Variants in UBTD1 observed in about 807,000 individuals in gnomAD.
UBTD1 encodes the protein ubiquitin domain-containing protein 1.
Under a neutral mutation model 21.7 loss-of-function variants are expected in UBTD1, and 19 were observed. That is an observed-to-expected ratio of 0.87 (90% CI 0.61 to 1.28). The LOEUF (loss-of-function observed/expected upper bound fraction) is 1.28, where lower values mean the gene tolerates loss of function less well. Among genes scored for constraint, UBTD1 ranks in the 50% most tolerant of loss-of-function variants. The pLI is 0.00. For synonymous variants in UBTD1, 116 were observed against 135.1 expected, an observed-to-expected ratio of 0.86 and a Z score of 0.98; for missense variants, 282 against 315.1, an observed-to-expected ratio of 0.89 and a Z score of 0.80.
chr10:97,543,005 C>T (rs2040593399), intron 1 of UBTD1, among the ~76,000 whole-genome samples: 1 of 152,256 alleles, frequency 6.6e-6, no homozygotes, highest in South Asian at 2.1e-4. Flanking sequence ...AACTCCAGAG[C>T]AAGTAAGTCA....
rs1228199258 is a variant in UBTD1, at chr10:97,570,051, T to G, written c.299-87T>G. On this transcript the variant is annotated intron_variant, in intron 2 of 2. Transcript: ENST00000370664. This position sits in a 1 kb window ranked among gnomAD's most constrained non-coding sequence, Gnocchi z 6.6. ...TACAGTCACATTGGGGGTTAGAGTT[T>G]CACCATATGAATTTGGGGGGACCCA... 6.6e-7 allele frequency: 1 copy of G among 1,505,316 alleles called. No individual in the cohort carries two copies. The highest frequency in any genetic ancestry group is 1.8e-4 in the Middle Eastern group (1 of 5,638). 93.2% of individuals were successfully genotyped at this position (1,505,316 alleles called of 1,614,324 possible).
chr10:97,557,942 T>G (rs781193813), intron 1 of UBTD1, among the ~76,000 whole-genome samples: 2 of 152,234 alleles, frequency 1.3e-5, no homozygotes, highest in Non-Finnish European at 2.9e-5. Flanking sequence ...TGGAAACAGT[T>G]CTCAGTCTGA....
At position 97,507,877 on chromosome 10, in the gene UBTD1, C is replaced by G. The variant is rs75511404; in HGVS notation, c.70+8604C>G. ...AGGGAGACTGAAGGGACAGGGATGA[C>G]TCCTCGTTTGTATGTTTTTCCTCTG... On this transcript the variant is annotated intron_variant, in intron 1 of 2. Transcript: ENST00000370664. 2.8e-3 allele frequency among the ~76,000 whole-genome samples: 424 copies of G among 151,596 alleles called. 2 individuals are homozygous for G. Among genetic ancestry groups the G allele is most frequent in the African/African-American group, 9.0e-3 (372 of 41,328 alleles).
rs765260764 is a variant in UBTD1 at position 97,570,278 on chromosome 10, C to T, written c.439C>T (p.Arg147Cys). The T allele has an allele frequency of 3.0e-5, 48 of 1,613,072 alleles. No individual in the cohort carries two copies. Among genetic ancestry groups the T allele is most frequent in the Non-Finnish European group, 3.4e-5 (40 of 1,180,004 alleles). The change falls in exon 3 of 3, where the codon CGT becomes TGT. Residue 147 changes from arginine to cysteine, a missense_variant. Coordinates refer to ENST00000370664, the MANE Select transcript of UBTD1 (RefSeq NM_024954.5). This position sits in a 1 kb window ranked among gnomAD's most constrained non-coding sequence, Gnocchi z 6.6. ...CCCCGAGCCTCCACCCAGCGTGCGC[C>T]GTGAGTTCCCGCTGAAGGTGCGCCT... ...EPPEPPPSVR[R>C]EFPLKVRLST...
In UBTD1 at chr10:97,522,624, AC is replaced by A. The variant is rs1180423280; in HGVS notation, c.70+23352del. ...TTGATCTTGTCATTTTGCTGCTCAGACACATTCTGCCTCCTTTCTGACCTCC... is the reference window on the plus strand; with the variant it reads ...TTGATCTTGTCATTTTGCTGCTCAGAACATTCTGCCTCCTTTCTGACCTCC... On this transcript the variant is annotated intron_variant, in intron 1 of 2. Coordinates refer to ENST00000370664, the MANE Select transcript of UBTD1 (RefSeq NM_024954.5). Among the ~76,000 whole-genome samples, 3 of 152,142 alleles carry A rather than the reference AC, an allele frequency of 2.0e-5. No homozygotes were observed. The East Asian group carries it at 5.8e-4, about 29-fold the overall frequency.
At chr10:97,545,064 G>A (rs1367596157) in intron 1 of UBTD1, among the ~76,000 whole-genome samples, 3 of 151,948 alleles carry the variant, frequency 2.0e-5, no homozygotes, top group East Asian at 3.9e-4. Context: ...GCCAAGCATG[G>A]TGGCTCACAC....
chr10:97,534,579 G>GCACACA lies in UBTD1; in HGVS notation c.71-33307_71-33302dup, dbSNP rs58308271. On this transcript the variant is annotated intron_variant, in intron 1 of 2. Coordinates refer to ENST00000370664, the MANE Select transcript of UBTD1 (RefSeq NM_024954.5). ...CACTAAGGAACACACACGCGCGCGC[G>GCACACA]CACACACACACACACACACACACAC... Among the ~76,000 whole-genome samples the GCACACA allele has an allele frequency of 4.4e-3, 637 of 145,328 alleles. 5 individuals are homozygous for GCACACA. Among genetic ancestry groups the GCACACA allele is most frequent in the Admixed American group, 0.021 (309 of 14,692 alleles).
chr10:97,499,144 C>T lies in UBTD1; in HGVS notation c.-60C>T, dbSNP rs2040293248. The T allele has an allele frequency of 4.7e-6, 7 of 1,479,814 alleles. No homozygotes were observed. The highest frequency in any genetic ancestry group is 6.3e-6 in the Non-Finnish European group (7 of 1,108,976). 91.7% of individuals were successfully genotyped at this position (1,479,814 alleles called of 1,614,324 possible). ...AGCCATTGACCCGGGACGCCGCCGT[C>T]CGCTGAGCAGCCGACCACCCCGCCG... is the stretch of plus-strand genomic sequence containing the variant. On this transcript the variant is annotated 5_prime_UTR_variant, in exon 1 of 3. Transcript: ENST00000370664.
At chr10:97,549,229 C>A (rs2040625180) in intron 1 of UBTD1, among the ~76,000 whole-genome samples, 1 of 152,236 alleles carries the variant, frequency 6.6e-6, no homozygotes, top group South Asian at 2.1e-4. Flanking sequence ...ACCTCAGTGA[C>A]TGGTTTTGTC....
intron 1 of UBTD1, among the ~76,000 whole-genome samples, chr10:97,530,075 G>C (rs2040521267): frequency 6.6e-6 from 1 of 152,178 alleles, no homozygotes; most frequent in Non-Finnish European, 1.5e-5. Flanking sequence ...GTGTGCATTA[G>C]TTTCTAACAA....
At chr10:97,537,540 G>A (rs969985991) in intron 1 of UBTD1, among the ~76,000 whole-genome samples, 1 of 152,228 alleles carries the variant, frequency 6.6e-6, no homozygotes, top group African/African-American at 2.4e-5. Context: ...AAGCTTGTAT[G>A]CTGCCTCTCC....
chr10:97,527,032 G>A (rs1322283751), intron 1 of UBTD1, among the ~76,000 whole-genome samples: 1 of 149,310 alleles, frequency 6.7e-6, no homozygotes. Context: ...TTAACCAGGC[G>A]TGGTGACAGG....
At chr10:97,558,445 G>A (rs187159390) in intron 1 of UBTD1, among the ~76,000 whole-genome samples, 234 of 152,248 alleles carry the variant, frequency 1.5e-3, no homozygotes, top group Non-Finnish European at 2.2e-4. Context: ...TAACAGGGCC[G>A]TTGCTACCAG....
At chr10:97,512,038 A>G (rs2040424999) in intron 1 of UBTD1, among the ~76,000 whole-genome samples, 1 of 152,186 alleles carries the variant, frequency 6.6e-6, no homozygotes, top group African/African-American at 2.4e-5. Flanking sequence ...AATATTTACT[A>G]CATCGGCCTT....
chr10:97,535,968 A>AATTATTATTATTATTATTGTTATT (rs1554865892), intron 1 of UBTD1, among the ~76,000 whole-genome samples: 15 of 90,172 alleles, frequency 1.7e-4, no homozygotes, highest in African/African-American at 4.7e-4. Flanking sequence ...GTTGGAGAGA[A>AATTATTATTATTATTATTGTTATT]ATTATTATTA....
chr10:97,531,032 T>C (rs970635562), intron 1 of UBTD1, among the ~76,000 whole-genome samples: 5 of 144,718 alleles, frequency 3.5e-5, no homozygotes, highest in East Asian at 2.1e-4. Context: ...GGACTACAGG[T>C]GCCCGCCACC....
At position 97,570,379 on chromosome 10, in the gene UBTD1, C is replaced by T; in HGVS notation, c.540C>T (p.Ala180=). ...GGCAGCTCAAGAGGCAGCTGCACGC[C>T]CAGGAGGGCATCGAGCCATCGTGGC... ...TVGQLKRQLH[A]QEGIEPSWQR... The change falls in exon 3 of 3, where the codon GCC becomes GCT. Residue 180 remains alanine (A), a synonymous_variant. Transcript: ENST00000370664. The surrounding 1 kb of genome is among the most constrained non-coding windows in gnomAD (Gnocchi z 6.6). The T allele has an allele frequency of 6.2e-7, 1 of 1,613,356 alleles. No homozygotes were observed.
In UBTD1 at chr10:97,570,343, C is replaced by T. The variant is rs140570505; in HGVS notation, c.504C>T (p.Pro168=). 2.8e-4 allele frequency: 455 copies of T among 1,613,230 alleles called. No homozygotes were observed. Among genetic ancestry groups the T allele is most frequent in the Non-Finnish European group, 3.4e-4 (403 of 1,179,922 alleles). Residue 168 remains proline, a synonymous_variant, in exon 3 of 3, where the codon CCC becomes CCT. Coordinates refer to ENST00000370664, the MANE Select transcript of UBTD1 (RefSeq NM_024954.5). The surrounding 1 kb of genome is among the most constrained non-coding windows in gnomAD (Gnocchi z 6.6). The part of the protein sequence containing the change: ...GKDVRLSASL[P]DTVGQLKRQL... ...ACGTGAGGCTCAGCGCCAGCCTGCC[C>T]GACACAGTGGGGCAGCTCAAGAGGC...
chr10:97,552,357 C>T (rs114365290), intron 1 of UBTD1, among the ~76,000 whole-genome samples: 2 of 150,090 alleles, frequency 1.3e-5, no homozygotes, highest in African/African-American at 4.9e-5. Flanking sequence ...AGCCAGACCC[C>T]GTCTAAAAAC....
Sources: allele counts gnomAD v4.1 joint callset (sites outside exome capture counted in the v4.1 genomes callset), GRCh38; gene constraint gnomAD v4.1.1; non-coding constraint Gnocchi (gnomAD v3.1); transcripts MANE v1.5; gene names NCBI Gene and HGNC (gene_info 2026-07-23, HGNC 2026-07-21).